Variants in ANO2 observed in about 807,000 individuals in gnomAD.
ANO2 encodes the protein anoctamin-2.
A neutral mutation model predicts 124.2 loss-of-function variants in ANO2; 101 were observed. That is an observed-to-expected ratio of 0.81 (90% confidence interval 0.69 to 0.96). The LOEUF (loss-of-function observed/expected upper bound fraction) is 0.96, where lower values mean the gene tolerates loss of function less well. ANO2 is among the 40% of genes least tolerant of loss of function. The pLI is 0.00. For synonymous variants in ANO2, 486 were observed against 482.5 expected (o/e 1.01, Z -0.09); for missense variants, 1,293 against 1,274.5 (o/e 1.01, Z -0.22).
intron 11 of ANO2, among the ~76,000 whole-genome samples, chr12:5,749,350 G>A (rs71445673): frequency 0.047 from 7,217 of 152,280 alleles, 245 homozygotes; most frequent in Non-Finnish European, 0.068. Context: ...TTGGCCCGGG[G>A]CCTCCACCTA....
chr12:5,682,815 C>A (rs1220257734), intron 14 of ANO2, among the ~76,000 whole-genome samples: 1 of 152,202 alleles, frequency 6.6e-6, no homozygotes, highest in African/African-American at 2.4e-5. Context: ...CTTTAAGGAG[C>A]TAACCATCTA....
chr12:5,728,108 A>T (rs1164589717), intron 14 of ANO2, among the ~76,000 whole-genome samples: 1 of 152,094 alleles, frequency 6.6e-6, no homozygotes, highest in Non-Finnish European at 1.5e-5. Context: ...ACCCGGCCTC[A>T]CCACTTCTAT....
Position 5,862,852 on chromosome 12 carries a change from G to A in ANO2, c.535-8711C>T, listed in dbSNP as rs1184041018. 1.3e-5 allele frequency among the ~76,000 whole-genome samples: 2 copies of A among 151,994 alleles called. No homozygotes were observed. The highest frequency in any genetic ancestry group is 2.1e-4 in the South Asian group (1 of 4,814). ...GTTACCCAGGCTGGAGTGCAATGGC[G>A]CAATCTTGGCTCACTGCAACCTCCA... On this transcript the variant is annotated intron_variant, in intron 3 of 24. Coordinates refer to ENST00000682330, the MANE Select transcript of ANO2 (RefSeq NM_001364791.2). The surrounding 1 kb of genome is among the most constrained non-coding windows in gnomAD (Gnocchi z 4.0).
intron 3 of ANO2, among the ~76,000 whole-genome samples, chr12:5,901,124 G>A (rs938824855): frequency 2.6e-5 from 4 of 152,164 alleles, no homozygotes; most frequent in Non-Finnish European, 4.4e-5. Context: ...AGAGGGACCT[G>A]GAGATGTTAG....
intron 14 of ANO2, among the ~76,000 whole-genome samples, chr12:5,718,567 C>G (rs946587954): frequency 3.9e-5 from 6 of 152,160 alleles, no homozygotes; most frequent in Non-Finnish European, 5.9e-5. Context: ...CATGTTTATG[C>G]GAGGTAAAGG....
chr12:5,758,161 C>T (rs1046754414), intron 10 of ANO2, among the ~76,000 whole-genome samples: 1 of 152,162 alleles, frequency 6.6e-6, no homozygotes, highest in African/African-American at 2.4e-5. Flanking sequence ...ATGGGTTGCA[C>T]ATACAGCCGA....
At position 5,732,646 on chromosome 12, in the gene ANO2, G is replaced by A. The variant is rs1452764024; in HGVS notation, c.1435-16C>T. On this transcript the variant is annotated splice_polypyrimidine_tract_variant and intron_variant, in intron 13 of 24. Transcript: ENST00000682330. The stretch of plus-strand genomic sequence containing the variant: ...TGGAATGTTCCTAAACCAAAGAGCA[G>A]TGAGTGGTTAGTAAACAAAAGGAAG... 1.2e-6 allele frequency: 2 copies of A among 1,606,552 alleles called. No individual in the cohort carries two copies. The highest frequency in any genetic ancestry group is 2.7e-5 in the African/African-American group (2 of 74,722).
intron 10 of ANO2, among the ~76,000 whole-genome samples, chr12:5,795,734 G>A (rs1952825616): frequency 6.6e-6 from 1 of 152,114 alleles, no homozygotes; most frequent in South Asian, 2.1e-4. Flanking sequence ...AATCAGCCTG[G>A]GAGCAGATAT....
intron 10 of ANO2, among the ~76,000 whole-genome samples, chr12:5,786,679 G>A (rs909945370): frequency 5.9e-5 from 9 of 152,128 alleles, no homozygotes; most frequent in African/African-American, 1.7e-4. Context: ...CATATTCTCC[G>A]CCTCCCCACC....
At chr12:5,670,541 T>G (rs564830813) in intron 14 of ANO2, among the ~76,000 whole-genome samples, 3 of 152,280 alleles carry the variant, frequency 2.0e-5, no homozygotes, top group South Asian at 2.1e-4. Context: ...TTTTTTAAAT[T>G]TATTTATTTT....
At chr12:5,765,274 T>C (rs564910008) in intron 10 of ANO2, among the ~76,000 whole-genome samples, 9 of 152,192 alleles carry the variant, frequency 5.9e-5, no homozygotes, top group African/African-American at 1.2e-4. Flanking sequence ...CATCTCTCGA[T>C]TGGAAAGCTG....
chr12:5,757,254 A>G (rs1951608906), intron 10 of ANO2, among the ~76,000 whole-genome samples: 1 of 152,152 alleles, frequency 6.6e-6, no homozygotes, highest in South Asian at 2.1e-4. Context: ...CTTTATTTCT[A>G]TCTTTCTGCA....
chr12:5,731,582 T>C (rs1335865061), intron 14 of ANO2, among the ~76,000 whole-genome samples: 3 of 151,942 alleles, frequency 2.0e-5, no homozygotes, highest in Non-Finnish European at 4.4e-5. Context: ...AAGAAAGACA[T>C]AAACTCTCCT....
intron 12 of ANO2, among the ~76,000 whole-genome samples, chr12:5,743,619 G>A (rs1371981521): frequency 6.6e-6 from 1 of 152,076 alleles, no homozygotes; most frequent in Non-Finnish European, 1.5e-5. Flanking sequence ...TCCCTTTGGT[G>A]GGAATACTGA....
At chr12:5,693,614 C>T (rs889372195) in intron 14 of ANO2, among the ~76,000 whole-genome samples, 15 of 152,298 alleles carry the variant, frequency 9.8e-5, no homozygotes, top group South Asian at 2.1e-4. Context: ...CCATCTCATT[C>T]GGAGTCAATC....
chr12:5,807,044 G>A (rs190518244), intron 8 of ANO2, among the ~76,000 whole-genome samples: 4 of 152,248 alleles, frequency 2.6e-5, no homozygotes, highest in Admixed American at 2.6e-4. Context: ...TAAAAATAAA[G>A]CTAGGGAGTA....
chr12:5,597,683 T>A (rs908209449), intron 20 of ANO2, among the ~76,000 whole-genome samples: 1 of 152,148 alleles, frequency 6.6e-6, no homozygotes, highest in Non-Finnish European at 1.5e-5. Context: ...ACCACTGGCG[T>A]CAGAGGGTGG....
chr12:5,748,621 G>A lies in ANO2; in HGVS notation c.1190+2215C>T, dbSNP rs142189662. ...GGAAATAATAATGCCTGTTTACGGC[G>A]TGTATAACATTGATCTCTTACAGGA... is the stretch of plus-strand genomic sequence containing the variant. On this transcript the variant is annotated intron_variant, in intron 11 of 24. Coordinates refer to ENST00000682330, the MANE Select transcript of ANO2 (RefSeq NM_001364791.2). 3.7e-4 allele frequency among the ~76,000 whole-genome samples: 56 copies of A among 152,178 alleles called. 1 individual carries two copies. In the East Asian group the frequency reaches 4.5e-3, roughly 12 times the overall value.
chr12:5,918,791 G>A (rs1378817218), intron 3 of ANO2, among the ~76,000 whole-genome samples: 2 of 152,154 alleles, frequency 1.3e-5, no homozygotes, highest in Non-Finnish European at 2.9e-5. Flanking sequence ...TCAAGCCTCA[G>A]CATGACACCT....
Sources: gnomAD v4.1 joint callset for allele counts (sites outside exome capture counted in the v4.1 genomes callset) on GRCh38, gnomAD v4.1.1 for gene constraint, Gnocchi (gnomAD v3.1) non-coding constraint, MANE v1.5 for transcripts, NCBI Gene and HGNC (gene_info 2026-07-23, HGNC 2026-07-21) for gene names.